The following GNAQ variants were observed in gnomAD, a reference collection of about 807,000 sequenced individuals.
GNAQ encodes guanine nucleotide-binding protein G(q) subunit alpha.
GNAQ carries 8 observed loss-of-function variants against 43.9 expected under a neutral mutation model. The ratio of observed to expected loss-of-function variants is 0.18; its 90% CI spans 0.11 to 0.33. The LOEUF (loss-of-function observed/expected upper bound fraction) is 0.33. Among genes scored for constraint, GNAQ ranks in the 10% least tolerant of loss-of-function variants. GNAQ has a pLI of 1.00. For missense variants in GNAQ, 158 were observed against 450.8 expected (o/e 0.35, Z 5.88); for synonymous variants, 155 against 170.7 (o/e 0.91, Z 0.71).
chr9:77,980,369 C>T (rs1366593338), intron 1 of GNAQ, among the ~76,000 whole-genome samples: 1 of 152,128 alleles, frequency 6.6e-6, no homozygotes, highest in Admixed American at 6.5e-5. Flanking sequence ...AGTACTTACT[C>T]AGGTCCTAAG....
intron 1 of GNAQ, among the ~76,000 whole-genome samples, chr9:78,006,553 C>G (rs1041112205): frequency 1.3e-5 from 2 of 152,184 alleles, no homozygotes; most frequent in Non-Finnish European, 2.9e-5. Context: ...GGACTAAAAC[C>G]TTTCCAAGCA....
At chr9:77,900,824 G>A (rs959667758) in intron 2 of GNAQ, among the ~76,000 whole-genome samples, 1 of 152,196 alleles carries the variant, frequency 6.6e-6, no homozygotes, top group South Asian at 2.1e-4. Context: ...GTTAAAAGCC[G>A]CCTTCTTCTC....
At chr9:77,979,756 G>A (rs1422696887) in intron 1 of GNAQ, among the ~76,000 whole-genome samples, 1 of 152,168 alleles carries the variant, frequency 6.6e-6, no homozygotes, top group Non-Finnish European at 1.5e-5. Context: ...TCACAATTAA[G>A]ACGCTAGGTG....
chr9:77,988,721 G>T (rs1823472828), intron 1 of GNAQ, among the ~76,000 whole-genome samples: 1 of 152,166 alleles, frequency 6.6e-6, no homozygotes, highest in Non-Finnish European at 1.5e-5. Context: ...AAGACTCAAG[G>T]CTTTGTCAAA....
intron 5 of GNAQ, among the ~76,000 whole-genome samples, chr9:77,777,452 A>G (rs931665577): frequency 1.3e-5 from 2 of 152,114 alleles, no homozygotes; most frequent in Non-Finnish European, 2.9e-5. Flanking sequence ...TTTCTTAGAT[A>G]TAACACCTAA....
intron 1 of GNAQ, among the ~76,000 whole-genome samples, chr9:77,924,531 T>C (rs1829041112): frequency 6.6e-6 from 1 of 152,150 alleles, no homozygotes. Context: ...CTGAGAAATT[T>C]TTATATACTT....
At chr9:77,872,250 TATGGTCAA>T (rs1348618322) in intron 2 of GNAQ, among the ~76,000 whole-genome samples, 1 of 152,362 alleles carries the variant, frequency 6.6e-6, no homozygotes, top group East Asian at 1.9e-4. Context: ...AAAAATTACA[TATGGTCAA>T]ATTACCATTA....
intron 2 of GNAQ, among the ~76,000 whole-genome samples, chr9:77,887,367 T>G (rs1156428476): frequency 3.6e-4 from 55 of 152,334 alleles, no homozygotes; most frequent in Non-Finnish European, 1.5e-4. Context: ...AGTCTGTAAT[T>G]TCAAACCCAA....
chr9:78,011,373 G>A (rs1823770671), intron 1 of GNAQ, among the ~76,000 whole-genome samples: 1 of 152,018 alleles, frequency 6.6e-6, no homozygotes, highest in African/African-American at 2.4e-5. Flanking sequence ...AAATACAAGG[G>A]CCAGACAAAA....
At chr9:77,826,464 T>C (rs771867876) in intron 2 of GNAQ, among the ~76,000 whole-genome samples, 12 of 152,238 alleles carry the variant, frequency 7.9e-5, no homozygotes, top group Admixed American at 2.0e-4. Context: ...TCTGATGTTC[T>C]TTCCCCATTA....
chr9:77,830,439 A>G (rs1309033679), intron 2 of GNAQ, among the ~76,000 whole-genome samples: 2 of 152,194 alleles, frequency 1.3e-5, no homozygotes, highest in Non-Finnish European at 2.9e-5. Context: ...TGGCGCCAGG[A>G]CTTGTCTGAT....
At chr9:77,981,008 T>C (rs1052222360) in intron 1 of GNAQ, among the ~76,000 whole-genome samples, 2 of 152,220 alleles carry the variant, frequency 1.3e-5, no homozygotes, top group Non-Finnish European at 2.9e-5. Context: ...TGAAAGGATA[T>C]TGCCAGACTC....
rs573694240 is a variant in GNAQ at position 77,911,837 on chromosome 9, C to T, written c.321+10324G>A. Among the ~76,000 whole-genome samples, 47 of 152,176 alleles carry T rather than the reference C, an allele frequency of 3.1e-4. No individual in the cohort carries two copies. The South Asian group carries it at 7.5e-3, about 24-fold the overall frequency. ...GAACATCACTGAATAATAATGAAGC[C>T]ACCATCACCCTTCATAAATAAGGAC... On this transcript the variant is annotated intron_variant, in intron 2 of 6. Coordinates refer to ENST00000286548, the MANE Select transcript of GNAQ (RefSeq NM_002072.5).
At chr9:77,964,536 G>A (rs572784869) in intron 1 of GNAQ, among the ~76,000 whole-genome samples, 2 of 152,002 alleles carry the variant, frequency 1.3e-5, no homozygotes, top group African/African-American at 4.8e-5. Flanking sequence ...ACTATATTCT[G>A]GGCTATAAAA....
chr9:77,954,986 C>A (rs571711080), intron 1 of GNAQ, among the ~76,000 whole-genome samples: 1 of 152,252 alleles, frequency 6.6e-6, no homozygotes, highest in African/African-American at 2.4e-5. Flanking sequence ...TTAAACCAGG[C>A]CTCTCCTGCA....
At chr9:77,935,871 A>G (rs1274478547) in intron 1 of GNAQ, among the ~76,000 whole-genome samples, 1 of 152,194 alleles carries the variant, frequency 6.6e-6, no homozygotes, top group African/African-American at 2.4e-5. Context: ...CTTCAGAAAC[A>G]GCAATAGTCA....
At chr9:77,788,657 T>TA (rs1356760707) in intron 5 of GNAQ, among the ~76,000 whole-genome samples, 1 of 152,222 alleles carries the variant, frequency 6.6e-6, no homozygotes, top group African/African-American at 2.4e-5. Context: ...GTCATTATTT[T>TA]AAGTTCTCTA....
chr9:77,749,912 TA>T (rs1423809921), intron 5 of GNAQ, among the ~76,000 whole-genome samples: 2 of 152,182 alleles, frequency 1.3e-5, no homozygotes, highest in Admixed American at 6.5e-5. Context: ...ATATTGTGTA[TA>T]TTTTTTTCAT....
At position 77,795,199 on chromosome 9, in the gene GNAQ, T is replaced by G. The variant is rs1214139256; in HGVS notation, c.606-607A>C. Among the ~76,000 whole-genome samples, 3 of 152,176 alleles carry G rather than the reference T, an allele frequency of 2.0e-5. No homozygotes were observed. In the East Asian group the frequency reaches 5.8e-4, roughly 29 times the overall value. On this transcript the variant is annotated intron_variant, in intron 4 of 6. Transcript: ENST00000286548. ...ACAGGTCCAGTCATGTCAGGTCACT[T>G]ACTTGAAATAAAGTGTGAGTGAATG...
Sources: gnomAD v4.1 joint callset for allele counts (sites outside exome capture counted in the v4.1 genomes callset) on GRCh38, gnomAD v4.1.1 for gene constraint, MANE v1.5 for transcripts, NCBI Gene and HGNC (gene_info 2026-07-23, HGNC 2026-07-21) for gene names.